SGPP2: variants seen among roughly 807,000 people sequenced by gnomAD.
SGPP2 encodes the protein sphingosine 1-phosphate phosphohydrolase 2.
In SGPP2, 30 loss-of-function variants were observed where a neutral mutation model predicts 33.9. That is an observed-to-expected ratio of 0.89 (90% CI 0.66 to 1.20). SGPP2 has a LOEUF of 1.20. Among genes scored for constraint, SGPP2 ranks in the 50% most tolerant of loss-of-function variants. The pLI, the probability that SGPP2 is intolerant of heterozygous loss-of-function variation, is 0.00. For missense variants in SGPP2, 458 were observed against 532.1 expected (o/e 0.86, Z 1.37); for synonymous variants, 233 against 225.0 (o/e 1.04, Z -0.32).
chr2:222,510,140 C>G (rs1023388397), intron 2 of SGPP2, among the ~76,000 whole-genome samples: 4 of 152,152 alleles, frequency 2.6e-5, no homozygotes, highest in African/African-American at 9.7e-5. Context: ...GTTGTTTAAA[C>G]TTTTTGGAAA....
rs1432083091 is a variant in SGPP2, at chr2:222,476,999, GTATT to G, written c.378+2277_378+2280del. ...ATATATAGGTGTGTGTATATTTTGT[GTATT>G]TATGTGTGTATGTATATAGGTGTGT... On this transcript the variant is annotated intron_variant, in intron 2 of 4. Coordinates refer to ENST00000321276, the MANE Select transcript of SGPP2 (RefSeq NM_152386.4). The surrounding 1 kb of genome is among the most constrained non-coding windows in gnomAD (Gnocchi z 4.3). Among the ~76,000 whole-genome samples, 1 of 151,582 alleles carries G rather than the reference GTATT, an allele frequency of 6.6e-6. No individual in the cohort carries two copies. Among genetic ancestry groups the G allele is most frequent in the Non-Finnish European group, 1.5e-5 (1 of 67,854 alleles).
At chr2:222,474,421 G>A in intron 1 of SGPP2, 147 bp from the exon 2 acceptor site, 1 of 628,074 alleles carries the variant, frequency 1.6e-6, no homozygotes, top group Non-Finnish European at 2.6e-6. Context: ...AGGTTGAAAA[G>A]TGTTCAGCCA....
chr2:222,483,912 AT>A (rs1574854791), intron 2 of SGPP2, among the ~76,000 whole-genome samples: 1 of 152,364 alleles, frequency 6.6e-6, no homozygotes, highest in East Asian at 1.9e-4. Flanking sequence ...GTATTCAACA[AT>A]GGCCAGATTG....
rs568992408 is a variant in SGPP2, at chr2:222,426,372, C to G, written c.219+1551C>G. ...TGTTGCTCTCTTCACAAGCTTCTACCCTGTTTCTCTAATTCAGGAAGCTGA... is the reference window on the plus strand; with the variant it reads ...TGTTGCTCTCTTCACAAGCTTCTACGCTGTTTCTCTAATTCAGGAAGCTGA... On this transcript the variant is annotated intron_variant, in intron 1 of 4. Transcript: ENST00000321276. Among the ~76,000 whole-genome samples the G allele has an allele frequency of 3.3e-3, 507 of 152,300 alleles. 3 individuals are homozygous for G. Among genetic ancestry groups the G allele is most frequent in the African/African-American group, 0.011 (461 of 41,566 alleles).
At chr2:222,425,485 G>A (rs906563182) in intron 1 of SGPP2, among the ~76,000 whole-genome samples, 14 of 152,204 alleles carry the variant, frequency 9.2e-5, no homozygotes, top group African/African-American at 3.1e-4. Context: ...TTCTGGGAGG[G>A]AAGCTCGCTA....
chr2:222,453,263 G>T, intron 1 of SGPP2: 1 of 757,784 alleles, frequency 1.3e-6, no homozygotes, highest in Non-Finnish European at 2.4e-6. Context: ...TTTGAAGCCA[G>T]GCAGGTTTGG....
chr2:222,522,454 T>C (rs1189018469), intron 3 of SGPP2, among the ~76,000 whole-genome samples: 1 of 152,254 alleles, frequency 6.6e-6, no homozygotes, highest in Non-Finnish European at 1.5e-5. Flanking sequence ...CTAGAAATGA[T>C]GGCTCAAAGT....
chr2:222,483,832 AC>A (rs1414094490), intron 2 of SGPP2, among the ~76,000 whole-genome samples: 1 of 152,140 alleles, frequency 6.6e-6, no homozygotes, highest in Non-Finnish European at 1.5e-5. Flanking sequence ...TTAAACCACT[AC>A]CCCTACACTT....
At position 222,471,419 on chromosome 2, in the gene SGPP2, A is replaced by AT. The variant is rs34750240; in HGVS notation, c.220-3140dup. Among the ~76,000 whole-genome samples, 95 of 151,534 alleles carry AT rather than the reference A, an allele frequency of 6.3e-4. 1 individual carries two copies. Among genetic ancestry groups the AT allele is most frequent in the Middle Eastern group, 3.4e-3 (1 of 292 alleles). On this transcript the variant is annotated intron_variant, in intron 1 of 4. Transcript: ENST00000321276. ...TTATGTTCTTGCAGTTTCCAAGGTC[A>AT]TTTTTTTTTATTTCTGAAGTATAAA...
At chr2:222,528,771 C>T (rs1297404631) in intron 4 of SGPP2, among the ~76,000 whole-genome samples, 1 of 152,160 alleles carries the variant, frequency 6.6e-6, no homozygotes, top group Non-Finnish European at 1.5e-5. Context: ...CATGCACCAC[C>T]ACATCTGGCT....
Position 222,465,213 on chromosome 2 carries a change from A to G in SGPP2, c.220-9355A>G, listed in dbSNP as rs750400353. On this transcript the variant is annotated intron_variant, in intron 1 of 4. Coordinates refer to ENST00000321276, the MANE Select transcript of SGPP2 (RefSeq NM_152386.4). The surrounding 1 kb of genome is among the most constrained non-coding windows in gnomAD (Gnocchi z 4.1). ...CATTTTATTGACTTTCAGTCTCGCC[A>G]TCCTGAAATTTTAATCACCTGAGCG... Among the ~76,000 whole-genome samples the G allele has an allele frequency of 6.6e-6, 1 of 152,148 alleles. No individual in the cohort carries two copies. The highest frequency in any genetic ancestry group is 1.5e-5 in the Non-Finnish European group (1 of 68,018).
intron 3 of SGPP2, among the ~76,000 whole-genome samples, chr2:222,524,642 T>C (rs1158685309): frequency 6.6e-6 from 1 of 152,210 alleles, no homozygotes; most frequent in East Asian, 1.9e-4. Flanking sequence ...TTCATTTCAC[T>C]AAAACTGCCA....
At chr2:222,523,186 ATCTGGGTTTAGACC>A (rs1559169190) in intron 3 of SGPP2, among the ~76,000 whole-genome samples, 1 of 152,370 alleles carries the variant, frequency 6.6e-6, no homozygotes, top group East Asian at 1.9e-4. Flanking sequence ...CTACCTGGTC[ATCTGGGTTTAGACC>A]TCTGTTACAT....
At chr2:222,489,736 C>T (rs1698168795) in intron 2 of SGPP2, among the ~76,000 whole-genome samples, 3 of 152,092 alleles carry the variant, frequency 2.0e-5, no homozygotes, top group South Asian at 2.1e-4. Context: ...GAGGCCGAGG[C>T]AGGTGGATCA....
chr2:222,438,794 G>A (rs1325839712), intron 1 of SGPP2, among the ~76,000 whole-genome samples: 1 of 152,172 alleles, frequency 6.6e-6, no homozygotes, highest in Non-Finnish European at 1.5e-5. Flanking sequence ...CCATGATGGT[G>A]GCACTAATCT....
rs1348868351 is a variant in SGPP2, at chr2:222,550,129, C to T, written c.649-8218C>T. On this transcript the variant is annotated intron_variant, in intron 4 of 4. Transcript: ENST00000321276. The surrounding 1 kb of genome is among the most constrained non-coding windows in gnomAD (Gnocchi z 4.5). ...TCGTGACCTCGTGATCCACCCGCCT[C>T]GGCCTCCCAAAGTGCTGGGATTACA... Among the ~76,000 whole-genome samples the T allele has an allele frequency of 4.6e-5, 7 of 152,220 alleles. No individual in the cohort carries two copies. The highest frequency in any genetic ancestry group is 4.1e-4 in the South Asian group (2 of 4,824).
At chr2:222,503,318 G>A (rs927739177) in intron 2 of SGPP2, among the ~76,000 whole-genome samples, 1 of 152,210 alleles carries the variant, frequency 6.6e-6, no homozygotes, top group Non-Finnish European at 1.5e-5. Flanking sequence ...TATTAAATAT[G>A]TTATGAAATA....
chr2:222,487,095 A>T (rs1698123076), intron 2 of SGPP2, among the ~76,000 whole-genome samples: 1 of 152,190 alleles, frequency 6.6e-6, no homozygotes, highest in Non-Finnish European at 1.5e-5. Flanking sequence ...CTTATAACTC[A>T]TGATGAATGT....
intron 1 of SGPP2, among the ~76,000 whole-genome samples, chr2:222,473,731 C>T (rs550018496): frequency 1.3e-5 from 2 of 152,132 alleles, no homozygotes; most frequent in Admixed American, 1.3e-4. Context: ...TTGAGACGAG[C>T]CTGACCAACA....
Sources: gnomAD v4.1 joint callset for allele counts (sites outside exome capture counted in the v4.1 genomes callset) on GRCh38, gnomAD v4.1.1 for gene constraint, Gnocchi (gnomAD v3.1) non-coding constraint, MANE v1.5 for transcripts, NCBI Gene and HGNC (gene_info 2026-07-23, HGNC 2026-07-21) for gene names.